BBS9: variants seen among roughly 807,000 people sequenced by gnomAD.
BBS9 encodes the protein Bardet-Biedl syndrome 9, also known as protein PTHB1.
BBS9 carries 89 observed loss-of-function variants against 117.7 expected under a neutral mutation model. The ratio of observed to expected loss-of-function variants is 0.76; its 90% CI spans 0.64 to 0.90. The LOEUF is 0.90. BBS9 is among the 40% of genes least tolerant of loss of function. The pLI is 0.00. For missense variants in BBS9, 982 were observed against 1,042.2 expected (o/e 0.94, Z 0.80); for synonymous variants, 379 against 370.9 (o/e 1.02, Z -0.25).
intron 21 of BBS9, among the ~76,000 whole-genome samples, chr7:33,596,565 A>G (rs1161439747): frequency 6.6e-6 from 1 of 152,052 alleles, no homozygotes; most frequent in Non-Finnish European, 1.5e-5. Flanking sequence ...CTTTTTCTCC[A>G]TAACTTTTTG....
At chr7:33,391,438 A>G (rs1316051864) in intron 19 of BBS9, among the ~76,000 whole-genome samples, 4 of 152,198 alleles carry the variant, frequency 2.6e-5, no homozygotes, top group Non-Finnish European at 5.9e-5. Context: ...ATACACCAGC[A>G]TACCCATACA....
chr7:33,516,818 T>C (rs1279373548), intron 20 of BBS9, among the ~76,000 whole-genome samples: 1 of 152,228 alleles, frequency 6.6e-6, no homozygotes, highest in African/African-American at 2.4e-5. Flanking sequence ...ACATAGGAAA[T>C]TTAGGTTTAG....
chr7:33,260,004 C>CT (rs3083600), intron 6 of BBS9, among the ~76,000 whole-genome samples: 28,977 of 139,324 alleles, frequency 0.21, 3,157 homozygotes, highest in Non-Finnish European at 0.24. Context: ...AGACTTTTTT[C>CT]TTTTTTTTTT....
chr7:33,390,855 A>G (rs1826947297), intron 19 of BBS9, among the ~76,000 whole-genome samples: 1 of 151,912 alleles, frequency 6.6e-6, no homozygotes, highest in African/African-American at 2.4e-5. Flanking sequence ...CTAAAGAAAA[A>G]CTCCATAAAG....
intron 20 of BBS9, among the ~76,000 whole-genome samples, chr7:33,521,430 G>A (rs541151981): frequency 5.3e-5 from 8 of 152,288 alleles, no homozygotes; most frequent in East Asian, 3.9e-4. Flanking sequence ...CTGCTCTACC[G>A]TTGGTTGAAA....
chr7:33,606,010 A>G lies in BBS9; in HGVS notation c.*784A>G, dbSNP rs1864532411. ...AAGTGAAAGAAACTTTGCTAATTTC[A>G]AGTTCGAATTACAGTTGTGAGATTG... is the stretch of plus-strand genomic sequence containing the variant. On this transcript the variant is annotated 3_prime_UTR_variant, in exon 23 of 23. Transcript: ENST00000242067. The G allele has an allele frequency of 6.6e-6, 1 of 150,584 alleles. No homozygotes were observed. The highest frequency in any genetic ancestry group is 6.6e-5 in the Admixed American group (1 of 15,118). The allele number at this position is 150,584 out of a possible 1,614,324, so 9.3% of individuals were successfully genotyped here. A position where few individuals can be genotyped will look rare whatever the true frequency, so the allele number is the denominator to read the frequency against.
rs143868499 is a variant in BBS9 at position 33,492,133 on chromosome 7, G to A, written c.2116-13330G>A. 6.3e-3 allele frequency among the ~76,000 whole-genome samples: 947 copies of A among 149,348 alleles called. 9 individuals are homozygous for A. The highest frequency in any genetic ancestry group is 0.021 in the African/African-American group (856 of 40,290). On this transcript the variant is annotated intron_variant, in intron 19 of 22. Transcript: ENST00000242067. Reference sequence around the variant, plus strand: ...CATGAGAATTGCTTGAACCTGGGAGGTGGAGGCTACAGTGAGCCAAGATCG... The same window carrying A: ...CATGAGAATTGCTTGAACCTGGGAGATGGAGGCTACAGTGAGCCAAGATCG...
At chr7:33,241,673 A>G (rs1794547586) in intron 5 of BBS9, among the ~76,000 whole-genome samples, 1 of 152,016 alleles carries the variant, frequency 6.6e-6, no homozygotes, top group African/African-American at 2.4e-5. Context: ...TTTGCTTTCT[A>G]AATCACTGCT....
intron 5 of BBS9, among the ~76,000 whole-genome samples, chr7:33,193,400 C>G (rs1044606749): frequency 7.0e-6 from 1 of 143,554 alleles, no homozygotes; most frequent in African/African-American, 2.6e-5. Flanking sequence ...CGCATATTGT[C>G]TTCCCCTGTC....
At chr7:33,493,017 T>C (rs552143191) in intron 19 of BBS9, among the ~76,000 whole-genome samples, 3 of 152,166 alleles carry the variant, frequency 2.0e-5, no homozygotes, top group African/African-American at 2.4e-5. Flanking sequence ...CTTTTTCAGA[T>C]GAAGTCTCAC....
intron 4 of BBS9, among the ~76,000 whole-genome samples, chr7:33,161,829 G>A (rs1002685451): frequency 2.6e-5 from 4 of 152,244 alleles, no homozygotes; most frequent in Middle Eastern, 3.4e-3. Context: ...GATGTGAGAT[G>A]GTATCTCATT....
At chr7:33,294,299 A>ATCTATCTATCTATCTATCTG (rs1562950505) in intron 9 of BBS9, among the ~76,000 whole-genome samples, 12 of 24,650 alleles carry the variant, frequency 4.9e-4, no homozygotes, top group African/African-American at 3.4e-3. Context: ...TCATCTATCT[A>ATCTATCTATCTATCTATCTG]TCTATCTATC....
At chr7:33,189,626 G>T (rs1215062138) in intron 5 of BBS9, among the ~76,000 whole-genome samples, 1 of 151,674 alleles carries the variant, frequency 6.6e-6, no homozygotes, top group African/African-American at 2.4e-5. Context: ...GGTGGCTCAC[G>T]CCTGTAATCC....
chr7:33,298,912 A>G (rs1397123990), intron 9 of BBS9, among the ~76,000 whole-genome samples: 1 of 152,182 alleles, frequency 6.6e-6, no homozygotes, highest in African/African-American at 2.4e-5. Flanking sequence ...TTTTCCATCT[A>G]TTGAATCAGT....
intron 21 of BBS9, among the ~76,000 whole-genome samples, chr7:33,552,972 T>C (rs150615226): frequency 3.9e-5 from 6 of 152,232 alleles, no homozygotes; most frequent in Admixed American, 2.0e-4. Flanking sequence ...CCCACACAAA[T>C]CTTCCTTCAC....
At chr7:33,179,478 A>G (rs948002441) in intron 5 of BBS9, among the ~76,000 whole-genome samples, 1 of 152,048 alleles carries the variant, frequency 6.6e-6, no homozygotes, top group Admixed American at 6.6e-5. Context: ...TTCTCATAGG[A>G]GCACAAACTC....
At position 33,467,387 on chromosome 7, in the gene BBS9, G is replaced by A. The variant is rs547947326; in HGVS notation, c.2116-38076G>A. Among the ~76,000 whole-genome samples, 281 of 152,134 alleles carry A rather than the reference G, an allele frequency of 1.8e-3. 2 individuals carry two copies. Among genetic ancestry groups the A allele is most frequent in the Non-Finnish European group, 3.8e-3 (259 of 67,994 alleles). On this transcript the variant is annotated intron_variant, in intron 19 of 22. Transcript: ENST00000242067. ...TCCCAGACCCTGTGTTATCTCCATCGATTTTCTATGAGGCTAGACAAGATT... is the reference window on the plus strand; with the variant it reads ...TCCCAGACCCTGTGTTATCTCCATCAATTTTCTATGAGGCTAGACAAGATT...
intron 4 of BBS9, among the ~76,000 whole-genome samples, chr7:33,160,396 G>A (rs185498012): frequency 6.6e-6 from 1 of 152,240 alleles, no homozygotes; most frequent in Non-Finnish European, 1.5e-5. Flanking sequence ...TTGGGCCTTC[G>A]TCTTTTATCT....
intron 16 of BBS9, among the ~76,000 whole-genome samples, chr7:33,366,539 C>T (rs1178560915): frequency 1.2e-3 from 119 of 100,240 alleles, no homozygotes; most frequent in South Asian, 1.7e-3. Flanking sequence ...TTTTTCTTTT[C>T]TTTCTTTTTT....
Sources: gnomAD v4.1 joint callset for allele counts (sites outside exome capture counted in the v4.1 genomes callset) on GRCh38, gnomAD v4.1.1 for gene constraint, MANE v1.5 for transcripts, NCBI Gene and HGNC (gene_info 2026-07-23, HGNC 2026-07-21) for gene names.